Variants in SORCS1 observed in about 807,000 individuals in gnomAD.
SORCS1 encodes sortilin related VPS10 domain containing receptor 1.
In SORCS1, 60 loss-of-function variants were observed where a neutral mutation model predicts 146.1. The observed-to-expected ratio is 0.41, with a 90% CI of 0.33 to 0.51. The LOEUF (loss-of-function observed/expected upper bound fraction) is 0.51, where lower values mean the gene tolerates loss of function less well. SORCS1 is among the 20% of genes least tolerant of loss of function. The pLI is 0.21. For missense variants in SORCS1, 1,352 were observed against 1,487.6 expected (o/e 0.91, Z 1.50); for synonymous variants, 637 against 584.0 (o/e 1.09, Z -1.31).
intron 2 of SORCS1, among the ~76,000 whole-genome samples, chr10:106,846,238 T>C (rs1159852971): frequency 1.5e-4 from 3 of 20,606 alleles, no homozygotes; most frequent in African/African-American, 3.9e-4. Context: ...TTCCATTTGT[T>C]TGTATCCTCT....
chr10:106,891,517 T>TTTTTTTTTTTTTTTTGA (rs1589645055), intron 2 of SORCS1, among the ~76,000 whole-genome samples: 1 of 149,442 alleles, frequency 6.7e-6, no homozygotes, highest in African/African-American at 2.5e-5. Context: ...TTTTTTTTTT[T>TTTTTTTTTTTTTTTTGA]GAGAAAAGAC....
intron 3 of SORCS1, among the ~76,000 whole-genome samples, chr10:106,807,959 T>C (rs1016945890): frequency 3.3e-5 from 5 of 152,268 alleles, no homozygotes; most frequent in Admixed American, 2.6e-4. Flanking sequence ...GCCTCTCAGA[T>C]TGAGATCAAT....
At chr10:107,041,784 G>A (rs1374826368) in intron 1 of SORCS1, among the ~76,000 whole-genome samples, 1 of 152,060 alleles carries the variant, frequency 6.6e-6, no homozygotes, top group Non-Finnish European at 1.5e-5. Flanking sequence ...TTGAAACAAG[G>A]CTTTCAGAGC....
At chr10:106,833,225 T>A in intron 2 of SORCS1, among the ~76,000 whole-genome samples, 1 of 152,252 alleles carries the variant, frequency 6.6e-6, no homozygotes, top group East Asian at 1.9e-4. Context: ...CACTTGTTTC[T>A]TGATTTTACA....
intron 1 of SORCS1, among the ~76,000 whole-genome samples, chr10:107,114,224 A>G (rs1204153454): frequency 1.3e-5 from 2 of 152,192 alleles, no homozygotes; most frequent in Non-Finnish European, 2.9e-5. Flanking sequence ...CATCCTTCTC[A>G]AAGTCTTTCA....
intron 1 of SORCS1, among the ~76,000 whole-genome samples, chr10:106,999,937 C>A (rs1172172259): frequency 6.6e-6 from 1 of 151,362 alleles, no homozygotes; most frequent in Non-Finnish European, 1.5e-5. Flanking sequence ...AAAAAAAAAT[C>A]TCAGCAGATG....
intron 17 of SORCS1, among the ~76,000 whole-genome samples, chr10:106,661,639 G>A (rs1363221150): frequency 6.6e-6 from 1 of 152,162 alleles, no homozygotes; most frequent in South Asian, 2.1e-4. Context: ...TTTACATACA[G>A]TGTGACATTT....
chr10:106,847,721 T>G (rs1267283197), intron 2 of SORCS1, among the ~76,000 whole-genome samples: 2 of 104,158 alleles, frequency 1.9e-5, no homozygotes, highest in African/African-American at 6.4e-5. Context: ...TGTGGGCATT[T>G]AGTGCTATAA....
chr10:106,670,212 T>C (rs1851484706), intron 16 of SORCS1, among the ~76,000 whole-genome samples: 1 of 152,222 alleles, frequency 6.6e-6, no homozygotes, highest in African/African-American at 2.4e-5. Context: ...CTACTTGTCC[T>C]CAATACTTTG....
chr10:107,029,779 T>C (rs1280265507), intron 1 of SORCS1, among the ~76,000 whole-genome samples: 1 of 152,230 alleles, frequency 6.6e-6, no homozygotes, highest in Non-Finnish European at 1.5e-5. Context: ...TACAAACTCA[T>C]TCTATTTTCT....
intron 3 of SORCS1, among the ~76,000 whole-genome samples, chr10:106,828,108 A>G (rs1223499309): frequency 4.6e-5 from 7 of 152,204 alleles, no homozygotes; most frequent in Non-Finnish European, 8.8e-5. Flanking sequence ...GTAGGTAGGT[A>G]CTGTAACTGT....
At chr10:107,129,145 G>A (rs1275220762) in intron 1 of SORCS1, among the ~76,000 whole-genome samples, 1 of 152,228 alleles carries the variant, frequency 6.6e-6, no homozygotes, top group African/African-American at 2.4e-5. Flanking sequence ...ATTGACAGCA[G>A]ACTGGGTGAA....
intron 1 of SORCS1, among the ~76,000 whole-genome samples, chr10:107,036,204 A>C (rs995559453): frequency 7.6e-6 from 1 of 132,082 alleles, no homozygotes; most frequent in African/African-American, 2.8e-5. Flanking sequence ...TTGATACAGC[A>C]ATAAAAAATA....
chr10:106,930,282 T>TAA (rs1209772580), intron 2 of SORCS1, among the ~76,000 whole-genome samples: 3 of 135,812 alleles, frequency 2.2e-5, no homozygotes, highest in African/African-American at 5.4e-5. Flanking sequence ...ACTCTGTCTC[T>TAA]AAAAAAAAAA....
At chr10:106,824,811 C>G (rs1948221029) in intron 3 of SORCS1, among the ~76,000 whole-genome samples, 1 of 152,166 alleles carries the variant, frequency 6.6e-6, no homozygotes, top group South Asian at 2.1e-4. Context: ...CCAATGTATT[C>G]TGAGGAGCTA....
chr10:106,668,707 G>C (rs1239534928), intron 16 of SORCS1, among the ~76,000 whole-genome samples: 1 of 152,154 alleles, frequency 6.6e-6, no homozygotes, highest in African/African-American at 2.4e-5. Flanking sequence ...CTGGTACTTA[G>C]AATTTTGCAC....
chr10:107,038,304 G>A (rs552307837), intron 1 of SORCS1, among the ~76,000 whole-genome samples: 52 of 150,690 alleles, frequency 3.5e-4, no homozygotes, highest in African/African-American at 1.0e-3. Context: ...TAGGAAAAAC[G>A]TAGGGAGAAG....
At chr10:107,147,960 G>A (rs535331557) in intron 1 of SORCS1, among the ~76,000 whole-genome samples, 1 of 152,296 alleles carries the variant, frequency 6.6e-6, no homozygotes, top group South Asian at 2.1e-4. Flanking sequence ...CGTCAGACAG[G>A]AGGTGATATC....
At chr10:107,131,729 CTCTT>C (rs1487960481) in intron 1 of SORCS1, among the ~76,000 whole-genome samples, 1 of 152,164 alleles carries the variant, frequency 6.6e-6, no homozygotes, top group East Asian at 1.9e-4. Context: ...AAACAAAAGT[CTCTT>C]TCTTTTATAC....
Sources: allele counts gnomAD v4.1 joint callset (sites outside exome capture counted in the v4.1 genomes callset), GRCh38; gene constraint gnomAD v4.1.1; transcripts MANE v1.5; gene names NCBI Gene and HGNC (gene_info 2026-07-23, HGNC 2026-07-21).